Variants in DPYD observed in about 807,000 individuals in gnomAD.
DPYD encodes dihydropyrimidine dehydrogenase.
In DPYD, 109 loss-of-function variants were observed where a neutral mutation model predicts 116.2. The observed-to-expected ratio is 0.94, with a 90% CI of 0.80 to 1.10. The LOEUF (loss-of-function observed/expected upper bound fraction) is 1.10, where lower values mean the gene tolerates loss of function less well. Ranked by LOEUF, DPYD falls within the 50% of genes least tolerant of loss-of-function variation. DPYD has a pLI of 0.00. For synonymous variants in DPYD, 440 were observed against 432.0 expected, an observed-to-expected ratio of 1.02 and a Z score of -0.23; for missense variants, 1,302 against 1,254.5, an observed-to-expected ratio of 1.04 and a Z score of -0.57.
At chr1:97,402,277 A>G (rs957465873) in intron 14 of DPYD, among the ~76,000 whole-genome samples, 2 of 152,038 alleles carry the variant, frequency 1.3e-5, no homozygotes, top group Admixed American at 6.6e-5. Context: ...CCATTTATTT[A>G]GTTCTTGTTT....
intron 2 of DPYD, among the ~76,000 whole-genome samples, chr1:97,836,488 G>GT (rs1315723808): frequency 4.6e-5 from 7 of 152,226 alleles, no homozygotes; most frequent in Admixed American, 3.3e-4. Context: ...CCCAGTGTGT[G>GT]TAAGATTAAA....
At position 97,193,224 on chromosome 1, in the gene DPYD, C is replaced by A. The variant is rs752388408; in HGVS notation, c.2467G>T (p.Asp823Tyr). The A allele has an allele frequency of 6.2e-7, 1 of 1,613,774 alleles. No individual in the cohort carries two copies. The highest frequency in any genetic ancestry group is 8.5e-7 in the Non-Finnish European group (1 of 1,179,872). ...CAGTAGTCTTCGATCACAGTGAAATCCTGATTCTGAATGGCACTGCATACC... is the reference window on the plus strand; with the variant it reads ...CAGTAGTCTTCGATCACAGTGAAATACTGATTCTGAATGGCACTGCATACC... ...LQVCSAIQNQ[D>Y]FTVIEDYCTG... is the part of the protein sequence containing the mutation. The change falls in exon 20 of 23, where the codon GAT (aspartate) becomes TAT (tyrosine). Residue 823 changes from aspartate (D) to tyrosine (Y), a missense_variant. By Grantham distance (160) the Asp-to-Tyr change is radical. Transcript: ENST00000370192.
At chr1:97,366,209 T>C (rs11165850) in intron 16 of DPYD, among the ~76,000 whole-genome samples, 48,677 of 152,076 alleles carry the variant, frequency 0.32, 8,066 homozygotes, top group East Asian at 0.54. Context: ...TAAGCACCCA[T>C]GTCTATCAAA....
chr1:97,643,350 G>C (rs572283827), intron 8 of DPYD, among the ~76,000 whole-genome samples: 1 of 152,194 alleles, frequency 6.6e-6, no homozygotes, highest in East Asian at 1.9e-4. Flanking sequence ...ATCATCCCTG[G>C]TCATTACAGT....
intron 14 of DPYD, among the ~76,000 whole-genome samples, chr1:97,392,548 A>G (rs1409902244): frequency 6.6e-5 from 10 of 152,010 alleles, no homozygotes; most frequent in Non-Finnish European, 1.0e-4. Context: ...ATGCTGTTTC[A>G]TAGCATTTTA....
chr1:97,905,701 C>T (rs1673581798), intron 1 of DPYD, among the ~76,000 whole-genome samples: 1 of 152,000 alleles, frequency 6.6e-6, no homozygotes, highest in South Asian at 2.1e-4. Context: ...GCTTCATTTA[C>T]ACATGTGAAG....
chr1:97,323,734 A>C lies in DPYD; in HGVS notation c.2059-17437T>G, dbSNP rs918342764. Among the ~76,000 whole-genome samples, 5 of 148,098 alleles carry C rather than the reference A, an allele frequency of 3.4e-5. No individual in the cohort carries two copies. The East Asian group carries it at 9.9e-4, about 29-fold the overall frequency. On this transcript the variant is annotated intron_variant, in intron 16 of 22. Coordinates refer to ENST00000370192, the MANE Select transcript of DPYD (RefSeq NM_000110.4). ...TATACACACACACATATATATACAT[A>C]TATATATAATATATTTAAAAACAAA... is the stretch of plus-strand genomic sequence containing the variant.
intron 14 of DPYD, among the ~76,000 whole-genome samples, chr1:97,420,313 A>G (rs891692812): frequency 3.9e-5 from 6 of 152,158 alleles, no homozygotes; most frequent in Non-Finnish European, 8.8e-5. Flanking sequence ...TGAGCAGCAA[A>G]TTGAAGACAT....
intron 2 of DPYD, among the ~76,000 whole-genome samples, chr1:97,830,658 T>C (rs1669494101): frequency 6.7e-6 from 1 of 149,224 alleles, no homozygotes; most frequent in African/African-American, 2.5e-5. Context: ...TGCAGTGAGC[T>C]GAGTTCGCGC....
intron 8 of DPYD, among the ~76,000 whole-genome samples, chr1:97,656,964 G>GTTTTTTTTTTTTTTTTTTT (rs1557864973): frequency 8.1e-6 from 1 of 123,778 alleles, no homozygotes; most frequent in African/African-American, 2.9e-5. Flanking sequence ...CTGCATGATT[G>GTTTTTTTTTTTTTTTTTTT]TATTTTTTTT....
At chr1:97,808,328 C>G (rs961873555) in intron 3 of DPYD, among the ~76,000 whole-genome samples, 3 of 151,880 alleles carry the variant, frequency 2.0e-5, no homozygotes, top group Non-Finnish European at 4.4e-5. Flanking sequence ...GATTTTGTAC[C>G]TATGTTATGA....
At chr1:97,781,758 A>G (rs1666760906) in intron 3 of DPYD, among the ~76,000 whole-genome samples, 1 of 152,226 alleles carries the variant, frequency 6.6e-6, no homozygotes, top group Admixed American at 6.5e-5. Context: ...TAAAAATTAT[A>G]CAAATGATTT....
At chr1:97,227,904 C>T (rs1661303682) in intron 19 of DPYD, among the ~76,000 whole-genome samples, 1 of 151,786 alleles carries the variant, frequency 6.6e-6, no homozygotes, top group Admixed American at 6.6e-5. Flanking sequence ...ACATTTAATT[C>T]CTCAATTAGC....
chr1:97,561,067 A>C (rs987948864), intron 11 of DPYD, among the ~76,000 whole-genome samples: 2 of 152,206 alleles, frequency 1.3e-5, no homozygotes, highest in African/African-American at 2.4e-5. Flanking sequence ...GTGTGTTAGA[A>C]ACTGTAGTAA....
chr1:97,143,974 C>T (rs967351242), intron 20 of DPYD, among the ~76,000 whole-genome samples: 37 of 152,060 alleles, frequency 2.4e-4, no homozygotes, highest in Non-Finnish European at 4.1e-4. Flanking sequence ...ACAGACCTTC[C>T]GAACAAGGAA....
At chr1:97,860,240 G>A (rs10747490) in intron 2 of DPYD, among the ~76,000 whole-genome samples, 110,387 of 151,986 alleles carry the variant, frequency 0.73, 40,727 homozygotes, top group East Asian at 0.93. Flanking sequence ...CTACCCCAGA[G>A]GCTGAGATGG....
intron 20 of DPYD, among the ~76,000 whole-genome samples, chr1:97,117,673 T>C (rs1215230899): frequency 6.6e-6 from 1 of 152,208 alleles, no homozygotes; most frequent in Non-Finnish European, 1.5e-5. Context: ...ATAATTTTGG[T>C]CTACAATTTT....
At chr1:97,507,084 T>C (rs1647393817) in intron 13 of DPYD, among the ~76,000 whole-genome samples, 1 of 152,020 alleles carries the variant, frequency 6.6e-6, no homozygotes, top group African/African-American at 2.4e-5. Flanking sequence ...CTAAATAGTC[T>C]TGAAGTGAAC....
At chr1:97,335,299 T>TACACACACACACACACACACACACAC (rs35371362) in intron 16 of DPYD, among the ~76,000 whole-genome samples, 1 of 136,228 alleles carries the variant, frequency 7.3e-6, no homozygotes, top group East Asian at 2.2e-4. Context: ...TGGAGTTAAG[T>TACACACACACACACACACACACACAC]ACACACACAC....
Sources: gnomAD v4.1 joint callset for allele counts (sites outside exome capture counted in the v4.1 genomes callset) on GRCh38, gnomAD v4.1.1 for gene constraint, MANE v1.5 for transcripts, NCBI Gene and HGNC (gene_info 2026-07-23, HGNC 2026-07-21) for gene names.